Variants in NAPA observed in about 807,000 individuals in gnomAD.
NAPA encodes the protein NSF attachment protein alpha.
In NAPA, 18 loss-of-function variants were observed where a neutral mutation model predicts 48.0. The ratio of observed to expected loss-of-function variants is 0.38; its 90% confidence interval spans 0.26 to 0.56. NAPA has a LOEUF of 0.56. Ranked by LOEUF, NAPA falls within the 20% of genes least tolerant of loss-of-function variation. The pLI is 0.77. For synonymous variants in NAPA, 152 were observed against 149.9 expected, an observed-to-expected ratio of 1.01 and a Z score of -0.10; for missense variants, 315 against 385.0, an observed-to-expected ratio of 0.82 and a Z score of 1.52.
intron 8 of NAPA, chr19:47,491,475 C>G (rs377610688): frequency 3.9e-5 from 6 of 154,272 alleles, no homozygotes; most frequent in Admixed American, 1.9e-4. Flanking sequence ...AAAAAAACTC[C>G]GGCCAAGCAA....
intron 7 of NAPA, 148 bp downstream of exon 7, chr19:47,492,813 G>C (rs76305415): frequency 2.3e-5 from 17 of 753,310 alleles, no homozygotes; most frequent in South Asian, 7.3e-5. Context: ...AAGACAGGGT[G>C]GGGGGATGAC....
intron 4 of NAPA, among the ~76,000 whole-genome samples, chr19:47,494,826 C>T (rs983009966): frequency 4.6e-5 from 7 of 151,058 alleles, no homozygotes; most frequent in African/African-American, 1.5e-4. Context: ...CTCCAGTTGG[C>T]AGCTGCCCAT....
intron 2 of NAPA, among the ~76,000 whole-genome samples, chr19:47,502,439 AC>A (rs1400244021): frequency 1.3e-5 from 2 of 152,096 alleles, no homozygotes; most frequent in Non-Finnish European, 2.9e-5. Context: ...AATACAAAAA[AC>A]ATTTGGCTTT....
In NAPA at chr19:47,487,995, CA is replaced by C. The variant is rs1380747983; in HGVS notation, c.*292del. On this transcript the variant is annotated 3_prime_UTR_variant, in exon 11 of 11. Coordinates refer to ENST00000263354, the MANE Select transcript of NAPA (RefSeq NM_003827.4). ...CCCAAATCCCCGGCAGCACCCCTAG[CA>C]AATAGGTCTGTATCAAAGATTCTGT... 1.6e-5 allele frequency: 4 copies of C among 248,898 alleles called. No homozygotes were observed. Among genetic ancestry groups the C allele is most frequent in the African/African-American group, 8.9e-5 (4 of 44,698 alleles). 15.4% of individuals were successfully genotyped at this position (248,898 alleles called of 1,614,324 possible). A position where few individuals can be genotyped will look rare whatever the true frequency, so the allele number is the denominator to read the frequency against.
chr19:47,503,054 G>A (rs1374294873), intron 2 of NAPA, among the ~76,000 whole-genome samples: 3 of 152,178 alleles, frequency 2.0e-5, no homozygotes, highest in African/African-American at 7.2e-5. Context: ...CGTTGTTATT[G>A]GAATCACCTG....
chr19:47,507,694 C>T (rs1271637665), intron 1 of NAPA, among the ~76,000 whole-genome samples: 2 of 152,236 alleles, frequency 1.3e-5, no homozygotes, highest in Non-Finnish European at 2.9e-5. Flanking sequence ...ACCTCCTGCA[C>T]GGCTCTCGAG....
At chr19:47,513,587 C>G (rs947055640) in intron 1 of NAPA, among the ~76,000 whole-genome samples, 1 of 152,170 alleles carries the variant, frequency 6.6e-6, no homozygotes, top group African/African-American at 2.4e-5. Flanking sequence ...TAGGAGCTAA[C>G]GTGAGTTTTA....
rs1968879150 is a variant in NAPA at position 47,514,983 on chromosome 19, T to C, written c.-43A>G. On this transcript the variant is annotated 5_prime_UTR_variant, in exon 1 of 11. Transcript: ENST00000263354. ...TCAGCAAAGCGCCTGACCCTGACCC[T>C]GGGAAGACTCAGCCGCGGCCGGGCC... The C allele has an allele frequency of 6.3e-7, 1 of 1,586,660 alleles. No individual in the cohort carries two copies. Among genetic ancestry groups the C allele is most frequent in the South Asian group, 1.1e-5 (1 of 90,126 alleles).
intron 7 of NAPA, chr19:47,492,756 T>C (rs1968307943): frequency 4.3e-6 from 3 of 691,360 alleles, no homozygotes; most frequent in African/African-American, 1.8e-5. Context: ...AGAGAGACGG[T>C]GCTGGCACGG....
At chr19:47,514,382 G>T (rs1207575139) in intron 1 of NAPA, among the ~76,000 whole-genome samples, 1 of 152,006 alleles carries the variant, frequency 6.6e-6, no homozygotes, top group African/African-American at 2.4e-5. Context: ...CTCAGCCCCA[G>T]GCCCCATCAC....
intron 3 of NAPA, chr19:47,496,746 G>A: frequency 2.7e-6 from 1 of 376,586 alleles, no homozygotes; most frequent in South Asian, 1.9e-5. Context: ...CTCCCTCCGT[G>A]GGGAGGCATC....
chr19:47,487,327 C>G (rs1968100210), downstream of NAPA, among the ~76,000 whole-genome samples: 1 of 152,232 alleles, frequency 6.6e-6, no homozygotes, highest in Non-Finnish European at 1.5e-5. Context: ...ACATTCGACC[C>G]TCCCACTGGC....
chr19:47,504,198 AG>A (rs1167881907), intron 1 of NAPA, among the ~76,000 whole-genome samples: 1 of 152,136 alleles, frequency 6.6e-6, no homozygotes, highest in African/African-American at 2.4e-5. Context: ...GTTCGAGACC[AG>A]CCTGGGCCAC....
At chr19:47,503,305 C>T (rs924440412) in intron 2 of NAPA, 118 bp downstream of exon 2, 65 of 907,650 alleles carry the variant, frequency 7.2e-5, no homozygotes, top group Non-Finnish European at 1.1e-4. Flanking sequence ...TTTCCGATGC[C>T]GGAGAGGGCA....
chr19:47,495,674 C>T, intron 3 of NAPA, 78 bp from the exon 4 acceptor site: 1 of 1,406,342 alleles, frequency 7.1e-7, no homozygotes, highest in South Asian at 1.2e-5. Context: ...GAGGCGGACG[C>T]AGGCGCACCT....
Position 47,497,677 on chromosome 19 carries a change from C to T in NAPA, c.296-2081G>A, listed in dbSNP as rs946408853. On this transcript the variant is annotated intron_variant, in intron 3 of 10. Transcript: ENST00000263354. ...CTATGGCCCAGGCCACCGCCCATCCCCGCAGTCACTCCTACCAGCGACGCC... is the reference window on the plus strand; with the variant it reads ...CTATGGCCCAGGCCACCGCCCATCCTCGCAGTCACTCCTACCAGCGACGCC... 2.6e-5 allele frequency among the ~76,000 whole-genome samples: 4 copies of T among 152,272 alleles called. No individual in the cohort carries two copies. The East Asian group carries it at 5.8e-4, about 22-fold the overall frequency.
intron 8 of NAPA, chr19:47,491,062 G>C: frequency 2.0e-6 from 1 of 506,040 alleles, no homozygotes. Context: ...AGAGATGGCT[G>C]CAGGGAGAGG....
At chr19:47,514,678 C>T (rs1334746540) in intron 1 of NAPA, among the ~76,000 whole-genome samples, 165 bp downstream of exon 1, 2 of 152,142 alleles carry the variant, frequency 1.3e-5, no homozygotes, top group Non-Finnish European at 2.9e-5. Context: ...AGGCTCTTGG[C>T]CCTCAGCCTG....
rs531049834 is a variant in NAPA, at chr19:47,492,886, G to A, written c.561+75C>T. On this transcript the variant is annotated intron_variant, in intron 7 of 10. Coordinates refer to ENST00000263354, the MANE Select transcript of NAPA (RefSeq NM_003827.4). ...CGGGGGAGGGGTGGTTCCAGAACAA[G>A]GTGCCGGGGCTTAGGAGGAGGCACA... is the stretch of plus-strand genomic sequence containing the variant. 30 of 1,437,198 alleles carry A rather than the reference G, an allele frequency of 2.1e-5. No homozygotes were observed. The African/African-American group carries it at 3.5e-4, about 17-fold the overall frequency. 89.0% of individuals were successfully genotyped at this position (1,437,198 alleles called of 1,614,324 possible).
Sources: gnomAD v4.1 joint callset for allele counts (sites outside exome capture counted in the v4.1 genomes callset) on GRCh38, gnomAD v4.1.1 for gene constraint, MANE v1.5 for transcripts, NCBI Gene and HGNC (gene_info 2026-07-23, HGNC 2026-07-21) for gene names.